The following PDE4D variants were observed in gnomAD, a reference collection of about 807,000 sequenced individuals.
The protein encoded by PDE4D is 3',5'-cyclic-AMP phosphodiesterase 4D.
A neutral mutation model predicts 87.4 loss-of-function variants in PDE4D; 24 were observed. The ratio of observed to expected loss-of-function variants is 0.27; its 90% CI spans 0.20 to 0.39. The LOEUF is 0.39. Among genes scored for constraint, PDE4D ranks in the 10% least tolerant of loss-of-function variants. The pLI, the probability that PDE4D is intolerant of heterozygous loss-of-function variation, is 1.00. For synonymous variants in PDE4D, 384 were observed against 383.2 expected (o/e 1.00, Z -0.02); for missense variants, 714 against 1,041.0 (o/e 0.69, Z 4.32).
intron 1 of PDE4D, among the ~76,000 whole-genome samples, chr5:60,392,053 T>C (rs1762592495): frequency 6.6e-6 from 1 of 152,156 alleles, no homozygotes; most frequent in African/African-American, 2.4e-5. Context: ...AACAGAAAAG[T>C]AGAGTTAATA....
intron 3 of PDE4D, chr5:59,987,396 G>C (rs555718404): frequency 2.6e-5 from 4 of 151,960 alleles, no homozygotes; most frequent in Non-Finnish European, 5.9e-5. Flanking sequence ...TTGCTTCAAG[G>C]TGAATATTTG....
At chr5:59,443,930 A>G (rs1447526076) in intron 1 of PDE4D, among the ~76,000 whole-genome samples, 1 of 151,416 alleles carries the variant, frequency 6.6e-6, no homozygotes, top group Non-Finnish European at 1.5e-5. Context: ...AGAAAACAAG[A>G]GAAATAAATG....
At chr5:60,319,983 G>GGGA (rs1456954936) in intron 1 of PDE4D, among the ~76,000 whole-genome samples, 1 of 152,204 alleles carries the variant, frequency 6.6e-6, no homozygotes. Flanking sequence ...GCTGCGTGCT[G>GGGA]GGAGAACCAC....
At chr5:60,188,487 C>T (rs776950195) in intron 1 of PDE4D, 1 of 152,192 alleles carries the variant, frequency 6.6e-6, no homozygotes, top group South Asian at 2.1e-4. Flanking sequence ...CCTCCTAGGA[C>T]TCCCCACTAA....
chr5:60,182,673 T>C (rs1346589475), intron 2 of PDE4D, among the ~76,000 whole-genome samples: 2 of 151,464 alleles, frequency 1.3e-5, no homozygotes, highest in Non-Finnish European at 2.9e-5. Context: ...GGTCGGGAGA[T>C]TGAGACCATC....
At chr5:60,255,684 C>A (rs183109290) in intron 1 of PDE4D, among the ~76,000 whole-genome samples, 1 of 151,784 alleles carries the variant, frequency 6.6e-6, no homozygotes, top group East Asian at 2.0e-4. Context: ...TCATTATCAC[C>A]AACTACTCAA....
At chr5:59,517,663 T>C (rs1043860589) in intron 1 of PDE4D, among the ~76,000 whole-genome samples, 1 of 152,198 alleles carries the variant, frequency 6.6e-6, no homozygotes, top group Admixed American at 6.5e-5. Context: ...AAAATGAAGC[T>C]GAAAGGAGGA....
At chr5:59,151,841 G>A (rs994240305) in intron 5 of PDE4D, among the ~76,000 whole-genome samples, 1 of 152,126 alleles carries the variant, frequency 6.6e-6, no homozygotes, top group African/African-American at 2.4e-5. Flanking sequence ...TGAATAGGGT[G>A]AAGAGGGAGA....
At chr5:59,451,817 A>C (rs540412234) in intron 1 of PDE4D, among the ~76,000 whole-genome samples, 8 of 152,308 alleles carry the variant, frequency 5.3e-5, no homozygotes, top group Non-Finnish European at 1.0e-4. Context: ...TAAAAAACAC[A>C]AATGCCCATG....
chr5:59,149,170 C>G (rs1024887004), intron 5 of PDE4D, among the ~76,000 whole-genome samples: 1 of 152,090 alleles, frequency 6.6e-6, no homozygotes, highest in Non-Finnish European at 1.5e-5. Flanking sequence ...AGCAGAAAAG[C>G]AAACAGGGAA....
At chr5:59,631,127 T>C (rs1220808871) in intron 1 of PDE4D, among the ~76,000 whole-genome samples, 2 of 152,190 alleles carry the variant, frequency 1.3e-5, no homozygotes, top group African/African-American at 4.8e-5. Context: ...ACCAAGCACA[T>C]GGCCAATAAC....
intron 1 of PDE4D, among the ~76,000 whole-genome samples, chr5:59,282,506 G>T (rs1489153559): frequency 6.6e-6 from 1 of 151,844 alleles, no homozygotes; most frequent in African/African-American, 2.4e-5. Flanking sequence ...AGCTGGGTGT[G>T]GTGGCGAGCA....
chr5:60,491,384 T>C (rs1367869313), upstream of PDE4D: 6 of 151,320 alleles, frequency 4.0e-5, no homozygotes, highest in Non-Finnish European at 7.3e-5. Context: ...GGGAAATTTT[T>C]TGTTGTATTT....
intron 5 of PDE4D, among the ~76,000 whole-genome samples, chr5:59,144,843 C>T (rs958416306): frequency 1.6e-5 from 2 of 121,342 alleles, no homozygotes; most frequent in East Asian, 5.2e-4. Flanking sequence ...ATACACAGGT[C>T]TCTGGATTTC....
chr5:60,489,644 CTTTG>C (rs1354415537), upstream of PDE4D: 1 of 152,026 alleles, frequency 6.6e-6, no homozygotes, highest in Non-Finnish European at 1.5e-5. Flanking sequence ...TTAATTAAAC[CTTTG>C]TTTATTTGAC....
At chr5:59,900,009 G>A (rs1342065816) in intron 3 of PDE4D, among the ~76,000 whole-genome samples, 1 of 152,112 alleles carries the variant, frequency 6.6e-6, no homozygotes, top group Non-Finnish European at 1.5e-5. Flanking sequence ...GTAGGCCAAG[G>A]TGGGCGGATC....
At chr5:60,421,114 T>A (rs1319990811) in intron 1 of PDE4D, among the ~76,000 whole-genome samples, 1 of 152,216 alleles carries the variant, frequency 6.6e-6, no homozygotes, top group African/African-American at 2.4e-5. Flanking sequence ...AGGGCATAGC[T>A]GAACAAAAGG....
chr5:59,567,853 A>T (rs892370253), intron 1 of PDE4D, among the ~76,000 whole-genome samples: 1 of 152,194 alleles, frequency 6.6e-6, no homozygotes, highest in African/African-American at 2.4e-5. Context: ...AAATATCAGT[A>T]TGAACTAATG....
intron 2 of PDE4D, among the ~76,000 whole-genome samples, chr5:60,012,264 T>C (rs1430372967): frequency 6.6e-6 from 1 of 152,218 alleles, no homozygotes; most frequent in Non-Finnish European, 1.5e-5. Context: ...AAGAACTGCA[T>C]GAGTGCATGC....
Sources: gnomAD v4.1 joint callset for allele counts (sites outside exome capture counted in the v4.1 genomes callset) on GRCh38, gnomAD v4.1.1 for gene constraint, MANE v1.5 for transcripts, NCBI Gene and HGNC (gene_info 2026-07-23, HGNC 2026-07-21) for gene names.